Variants in AK5 observed in about 807,000 individuals in gnomAD.
The protein encoded by AK5 is adenylate kinase isoenzyme 5.
A neutral mutation model predicts 69.5 loss-of-function variants in AK5; 27 were observed. The ratio of observed to expected loss-of-function variants is 0.39; its 90% confidence interval spans 0.29 to 0.54. AK5 has a LOEUF of 0.54. Ranked by LOEUF, AK5 falls within the 20% of genes least tolerant of loss-of-function variation. AK5 has a pLI of 0.71. For synonymous variants in AK5, 260 were observed against 244.4 expected (o/e 1.06, Z -0.60); for missense variants, 531 against 700.4 (o/e 0.76, Z 2.73).
chr1:77,352,646 A>G (rs960570252), intron 6 of AK5, among the ~76,000 whole-genome samples: 1 of 152,230 alleles, frequency 6.6e-6, no homozygotes, highest in Non-Finnish European at 1.5e-5. Flanking sequence ...ATAAAATTTG[A>G]AAGAGTTTAT....
At chr1:77,522,055 G>A (rs1193029552) in intron 12 of AK5, 112 bp downstream of exon 12, 4 of 821,272 alleles carry the variant, frequency 4.9e-6, no homozygotes, top group South Asian at 2.1e-5. Flanking sequence ...AAACTTTAAG[G>A]GGCAGAAACT....
At chr1:77,511,062 T>C (rs903428630) in intron 10 of AK5, among the ~76,000 whole-genome samples, 1 of 151,404 alleles carries the variant, frequency 6.6e-6, no homozygotes, top group African/African-American at 2.4e-5. Context: ...GGAAATCATA[T>C]ATATAGTACC....
intron 6 of AK5, among the ~76,000 whole-genome samples, chr1:77,374,467 G>C (rs1647186978): frequency 2.1e-5 from 3 of 145,178 alleles, no homozygotes. Context: ...CCAAAGGTCA[G>C]GTTTAGTAAT....
At chr1:77,468,966 T>G (rs950141055) in intron 8 of AK5, among the ~76,000 whole-genome samples, 4 of 152,170 alleles carry the variant, frequency 2.6e-5, no homozygotes, top group African/African-American at 9.7e-5. Flanking sequence ...CTTGGGGAAA[T>G]TATAGCAGAC....
At chr1:77,297,443 G>A (rs1659076076) in intron 3 of AK5, 116 bp from the exon 4 acceptor site, 2 of 936,662 alleles carry the variant, frequency 2.1e-6, no homozygotes, top group South Asian at 2.0e-5. Flanking sequence ...AAATGGAACT[G>A]TTAACCACCC....
chr1:77,293,638 A>G (rs1658812090), intron 2 of AK5, 155 bp from the exon 3 acceptor site: 2 of 607,618 alleles, frequency 3.3e-6, no homozygotes, highest in Non-Finnish European at 5.5e-6. Context: ...CTGACCCTTT[A>G]CAATAAAGCC....
rs563911125 is a variant in AK5, at chr1:77,500,529, A to G, written c.1147+14177A>G. The stretch of plus-strand genomic sequence containing the variant: ...CACGGTGGCTCACTCCTGTAATCCC[A>G]GCACTTTAGGAGGCCGAGGCAGGCA... On this transcript the variant is annotated intron_variant, in intron 10 of 13. Transcript: ENST00000354567. Among the ~76,000 whole-genome samples the G allele has an allele frequency of 7.9e-5, 12 of 152,226 alleles. 1 individual carries two copies. The highest frequency in any genetic ancestry group is 1.2e-4 in the Non-Finnish European group (8 of 68,038).
intron 7 of AK5, among the ~76,000 whole-genome samples, chr1:77,416,651 A>ACAT (rs1202639928): frequency 1.3e-5 from 2 of 152,166 alleles, no homozygotes; most frequent in East Asian, 3.8e-4. Context: ...CTGTGTAAGG[A>ACAT]CATACCCCGA....
intron 5 of AK5, among the ~76,000 whole-genome samples, chr1:77,330,008 G>T (rs142098432): frequency 6.6e-6 from 1 of 152,160 alleles, no homozygotes; most frequent in Non-Finnish European, 1.5e-5. Flanking sequence ...CAGAAAGAAA[G>T]ATGGATATTC....
chr1:77,297,235 A>G (rs777740099), intron 3 of AK5, among the ~76,000 whole-genome samples: 9 of 152,174 alleles, frequency 5.9e-5, no homozygotes, highest in Admixed American at 1.3e-4. Context: ...TTACAGAGGG[A>G]AAAATGTTAG....
At position 77,541,281 on chromosome 1, in the gene AK5, AGGCGT is replaced by A. The variant is rs561770915; in HGVS notation, c.1620+5246_1620+5250del. Among the ~76,000 whole-genome samples, 24 of 152,294 alleles carry A rather than the reference AGGCGT, an allele frequency of 1.6e-4. No homozygotes were observed. The East Asian group carries it at 4.6e-3, about 29-fold the overall frequency. ...TCTACAAAAAATACAAAAGTTAGCC[AGGCGT>A]GGTGGAACACATCTGTGGTCACAGC... is the stretch of plus-strand genomic sequence containing the variant. On this transcript the variant is annotated intron_variant, in intron 13 of 13. Transcript: ENST00000354567.
intron 6 of AK5, among the ~76,000 whole-genome samples, chr1:77,368,467 A>G (rs992866292): frequency 4.6e-5 from 7 of 150,940 alleles, no homozygotes; most frequent in Non-Finnish European, 1.0e-4. Context: ...GAGCCATGAG[A>G]AAGCAAAGAT....
chr1:77,457,127 TCCTTGTGAC>T (rs1653540213), intron 8 of AK5, among the ~76,000 whole-genome samples: 3 of 152,152 alleles, frequency 2.0e-5, no homozygotes, highest in Admixed American at 2.0e-4. Flanking sequence ...CAGTCCCCTA[TCCTTGTGAC>T]CTGTGCCCTC....
At chr1:77,475,409 ATATATATACTATATAT>A (rs1654832878) in intron 8 of AK5, among the ~76,000 whole-genome samples, 5 of 3,664 alleles carry the variant, frequency 1.4e-3, no homozygotes, top group Non-Finnish European at 5.6e-3. Context: ...ATATATATGT[ATATATATACTATATAT>A]TATATATATG....
At chr1:77,478,700 G>A (rs1053921045) in intron 8 of AK5, among the ~76,000 whole-genome samples, 2 of 152,194 alleles carry the variant, frequency 1.3e-5, no homozygotes, top group African/African-American at 4.8e-5. Flanking sequence ...AAACCCAGTT[G>A]AAGAAGATAG....
chr1:77,402,250 G>T (rs1243420885), intron 6 of AK5, among the ~76,000 whole-genome samples: 1 of 151,948 alleles, frequency 6.6e-6, no homozygotes. Flanking sequence ...TTTGTATTTT[G>T]AAGTTAACAT....
At chr1:77,306,506 T>G (rs1247567829) in intron 5 of AK5, among the ~76,000 whole-genome samples, 1 of 150,770 alleles carries the variant, frequency 6.6e-6, no homozygotes, top group Non-Finnish European at 1.5e-5. Flanking sequence ...TTTTTTTTTT[T>G]TTTTTGAGGA....
At chr1:77,408,830 G>T (rs570777318) in intron 6 of AK5, among the ~76,000 whole-genome samples, 2 of 151,902 alleles carry the variant, frequency 1.3e-5, no homozygotes, top group Admixed American at 1.3e-4. Flanking sequence ...TATGTCATTG[G>T]GGTTTGTTAT....
rs1158408938 is a variant in AK5, at chr1:77,282,328, T to G, written c.15T>G (p.Asp5Glu). The change falls in exon 1 of 14, where the codon GAT becomes GAG. Residue 5 changes from aspartate (D) to glutamate (E), a missense_variant. Coordinates refer to ENST00000354567, the MANE Select transcript of AK5 (RefSeq NM_174858.3). ...GCGGCACAGCCATGAACACCAACGA[T>G]GCCAAGGAGTATCTGGCCCGGAGGG... MNTN[D>E]AKEYLARREI... is the part of the protein sequence containing the mutation. The G allele has an allele frequency of 6.4e-7, 1 of 1,562,790 alleles. No individual in the cohort carries two copies. Among genetic ancestry groups the G allele is most frequent in the Non-Finnish European group, 8.7e-7 (1 of 1,153,684 alleles).
Sources: allele counts gnomAD v4.1 joint callset (sites outside exome capture counted in the v4.1 genomes callset), GRCh38; gene constraint gnomAD v4.1.1; transcripts MANE v1.5; gene names NCBI Gene and HGNC (gene_info 2026-07-23, HGNC 2026-07-21).